Variants in NHS observed in about 807,000 individuals in gnomAD.
NHS encodes actin remodeling regulator NHS.
NHS carries 5 observed loss-of-function variants against 72.5 expected under a neutral mutation model. The ratio of observed to expected loss-of-function variants is 0.07; its 90% CI spans 0.04 to 0.14. The LOEUF is 0.14. Ranked by LOEUF, NHS falls within the 10% of genes least tolerant of loss-of-function variation. The pLI, the probability that NHS is intolerant of heterozygous loss-of-function variation, is 1.00. For synonymous variants in NHS, 464 were observed against 547.7 expected, an observed-to-expected ratio of 0.85 and a Z score of 2.13; for missense variants, 1,072 against 1,355.7, an observed-to-expected ratio of 0.79 and a Z score of 3.29.
At chrX:17,580,088 C>T (rs2065535147) in intron 1 of NHS, among the ~76,000 whole-genome samples, 2 of 110,001 alleles carry the variant, frequency 1.8e-5, no homozygotes, top group Admixed American at 9.8e-5. Flanking sequence ...AAGGTCTGCT[C>T]TTTTGGGGAA....
chrX:17,396,633 T>A (rs2064476341), intron 1 of NHS, among the ~76,000 whole-genome samples: 1 of 111,869 alleles, frequency 8.9e-6, no homozygotes, highest in Admixed American at 9.5e-5. Context: ...ATAATTCCAT[T>A]TATAAACAAA....
intron 1 of NHS, chrX:17,687,379 A>G: frequency 4.0e-6 from 1 of 247,235 alleles, no homozygotes; most frequent in Non-Finnish European, 7.5e-6. Context: ...GCTTTCCTCC[A>G]CATTTTTCAG....
intron 1 of NHS, among the ~76,000 whole-genome samples, chrX:17,569,282 A>G (rs1746760602): frequency 9.0e-6 from 1 of 110,997 alleles, no homozygotes; most frequent in African/African-American, 3.4e-5. Context: ...ACTCCCACCA[A>G]CAGTGTAAAA....
intron 1 of NHS, among the ~76,000 whole-genome samples, chrX:17,467,047 G>A (rs189140114): frequency 4.6e-4 from 51 of 111,753 alleles, no homozygotes; most frequent in African/African-American, 1.6e-3. Flanking sequence ...GAGCTTAGCA[G>A]GCCCTGGAAG....
At chrX:17,485,700 G>A (rs1163206285) in intron 1 of NHS, among the ~76,000 whole-genome samples, 2 of 111,697 alleles carry the variant, frequency 1.8e-5, no homozygotes, top group Admixed American at 9.5e-5. Context: ...AAAAGCAGTC[G>A]GCTGTTACAG....
chrX:17,630,741 A>G (rs1429289029), intron 1 of NHS, among the ~76,000 whole-genome samples: 1 of 111,937 alleles, frequency 8.9e-6, no homozygotes, highest in African/African-American at 3.3e-5. Flanking sequence ...CTTGAACAAT[A>G]GTGTCAATCT....
chrX:17,521,847 C>G (rs1282119719), intron 1 of NHS, among the ~76,000 whole-genome samples: 1 of 112,624 alleles, frequency 8.9e-6, no homozygotes, highest in Non-Finnish European at 1.9e-5. Context: ...CATTATTAAG[C>G]TAGCTAAGGC....
chrX:17,404,368 G>A (rs1242939799), intron 1 of NHS, among the ~76,000 whole-genome samples: 1 of 111,305 alleles, frequency 9.0e-6, no homozygotes, highest in Non-Finnish European at 1.9e-5. Context: ...AGTAAGGAGG[G>A]TGGGATCCGG....
intron 1 of NHS, among the ~76,000 whole-genome samples, chrX:17,537,750 G>C (rs974089170): frequency 1.8e-5 from 2 of 111,810 alleles, no homozygotes; most frequent in Admixed American, 9.5e-5. Context: ...GGACTGTCCT[G>C]CTCAGCTTCC....
At chrX:17,636,084 TCTC>T (rs2065845023) in intron 1 of NHS, among the ~76,000 whole-genome samples, 1 of 111,984 alleles carries the variant, frequency 8.9e-6, no homozygotes, top group African/African-American at 3.3e-5. Context: ...GTTGCTTTCT[TCTC>T]CTCCAGCACT....
intron 1 of NHS, among the ~76,000 whole-genome samples, chrX:17,634,569 C>T (rs1412646951): frequency 9.0e-6 from 1 of 111,683 alleles, no homozygotes; most frequent in Non-Finnish European, 1.9e-5. Context: ...GTGGAAGTAC[C>T]TAAACTCTCC....
chrX:17,430,124 ATCCC>A (rs2064681524), intron 1 of NHS, among the ~76,000 whole-genome samples: 1 of 42,764 alleles, frequency 2.3e-5, no homozygotes, highest in Non-Finnish European at 4.0e-5. Flanking sequence ...CCTTTCCTCC[ATCCC>A]TCCCTCCCTC....
chrX:17,409,509 A>T (rs1178923357), intron 1 of NHS, among the ~76,000 whole-genome samples: 1 of 110,764 alleles, frequency 9.0e-6, no homozygotes, highest in Non-Finnish European at 1.9e-5. Context: ...AAGCTGGGTT[A>T]TGCCATGACA....
chrX:17,458,783 G>T (rs921808878), intron 1 of NHS, among the ~76,000 whole-genome samples: 1 of 112,274 alleles, frequency 8.9e-6, no homozygotes, highest in African/African-American at 3.2e-5. Flanking sequence ...GTGAGCCACC[G>T]CACCTGGCCT....
intron 1 of NHS, among the ~76,000 whole-genome samples, chrX:17,466,516 C>T (rs139963331): frequency 0.029 from 3,244 of 111,982 alleles, 128 homozygotes; most frequent in African/African-American, 0.099. Flanking sequence ...GCTAGTCAAG[C>T]ACCTCGTAGT....
intron 3 of NHS, among the ~76,000 whole-genome samples, chrX:17,712,832 T>G (rs893492519): frequency 4.5e-5 from 5 of 111,145 alleles, no homozygotes; most frequent in African/African-American, 1.6e-4. Flanking sequence ...TCAGGTACTT[T>G]GGGTAAGCAT....
intron 1 of NHS, among the ~76,000 whole-genome samples, chrX:17,656,900 G>A (rs1420929609): frequency 8.9e-6 from 1 of 112,565 alleles, no homozygotes; most frequent in Non-Finnish European, 1.9e-5. Flanking sequence ...CCCGCTTGGT[G>A]CCCTCTCCTG....
intron 1 of NHS, among the ~76,000 whole-genome samples, chrX:17,416,950 A>G (rs1372887441): frequency 9.0e-6 from 1 of 111,150 alleles, no homozygotes; most frequent in Non-Finnish European, 1.9e-5. Flanking sequence ...AGCCTTGTAA[A>G]AGGGGGTGTT....
intron 1 of NHS, among the ~76,000 whole-genome samples, chrX:17,644,423 A>G (rs1174623110): frequency 8.9e-6 from 1 of 111,763 alleles, no homozygotes; most frequent in African/African-American, 3.3e-5. Flanking sequence ...TTTATGACCT[A>G]TTTTACCTGG....
Sources: gnomAD v4.1 joint callset for allele counts (sites outside exome capture counted in the v4.1 genomes callset) on GRCh38, gnomAD v4.1.1 for gene constraint, MANE v1.5 for transcripts, NCBI Gene and HGNC (gene_info 2026-07-23, HGNC 2026-07-21) for gene names.